OSBPL1A: variants seen among roughly 807,000 people sequenced by gnomAD.
The protein encoded by OSBPL1A is oxysterol binding protein like 1A, also known as oxysterol-binding protein-related protein 1.
In OSBPL1A, 80 loss-of-function variants were observed where a neutral mutation model predicts 137.1. The observed-to-expected ratio is 0.58, with a 90% CI of 0.49 to 0.70. The LOEUF (loss-of-function observed/expected upper bound fraction) is 0.70. OSBPL1A is among the 30% of genes least tolerant of loss of function. The pLI, the probability that OSBPL1A is intolerant of heterozygous loss-of-function variation, is 0.00. For synonymous variants in OSBPL1A, 365 were observed against 389.7 expected (o/e 0.94, Z 0.75); for missense variants, 970 against 1,129.4 (o/e 0.86, Z 2.02).
At chr18:24,358,821 T>C (rs2091577127) in intron 4 of OSBPL1A, among the ~76,000 whole-genome samples, 1 of 152,162 alleles carries the variant, frequency 6.6e-6, no homozygotes, top group African/African-American at 2.4e-5. Flanking sequence ...GCTCACTCAC[T>C]GTAGCCTCAA....
chr18:24,255,756 A>AT lies in OSBPL1A; in HGVS notation c.1282-16375dup, dbSNP rs536171928. ...CAAATTTGTCAAAATAAACTTTCTA[A>AT]TTTTTTTTTTTTTTTTTTGAGATGG... On this transcript the variant is annotated intron_variant, in intron 15 of 27. Coordinates refer to ENST00000319481, the MANE Select transcript of OSBPL1A (RefSeq NM_080597.4). 5.3e-3 allele frequency among the ~76,000 whole-genome samples: 728 copies of AT among 138,104 alleles called. 3 individuals are homozygous for AT. The highest frequency in any genetic ancestry group is 0.013 in the African/African-American group (492 of 37,986). The allele number at this position is 138,104 out of a possible 152,430, so 90.6% of individuals were successfully genotyped here.
chr18:24,281,518 G>C lies in OSBPL1A; in HGVS notation c.1175-570C>G, dbSNP rs148279504. On this transcript the variant is annotated intron_variant, in intron 14 of 27. Coordinates refer to ENST00000319481, the MANE Select transcript of OSBPL1A (RefSeq NM_080597.4). ...TTTTCCTGCCTCAGCCTCCCGAGTA[G>C]ATGGGACTACAGGCACACGCTATCA... is the stretch of plus-strand genomic sequence containing the variant. Among the ~76,000 whole-genome samples the C allele has an allele frequency of 3.2e-4, 48 of 152,072 alleles. No individual in the cohort carries two copies. In the East Asian group the frequency reaches 5.4e-3, roughly 17 times the overall value.
intron 17 of OSBPL1A, among the ~76,000 whole-genome samples, chr18:24,214,479 A>G (rs2087635509): frequency 6.6e-6 from 1 of 152,172 alleles, no homozygotes; most frequent in Non-Finnish European, 1.5e-5. Context: ...GGGGAGGGGA[A>G]AGAAGCCCTT....
chr18:24,300,880 T>C (rs1057055135), intron 14 of OSBPL1A, among the ~76,000 whole-genome samples: 1 of 152,138 alleles, frequency 6.6e-6, no homozygotes, highest in Non-Finnish European at 1.5e-5. Context: ...TGCAATCACA[T>C]GACCTTGACT....
chr18:24,172,821 A>AC (rs2086323454), intron 21 of OSBPL1A, among the ~76,000 whole-genome samples: 1 of 152,240 alleles, frequency 6.6e-6, no homozygotes, highest in Non-Finnish European at 1.5e-5. Context: ...TCTATTTAGC[A>AC]CTTTCTAGAG....
At chr18:24,319,564 AC>A (rs1208069252) in intron 7 of OSBPL1A, among the ~76,000 whole-genome samples, 15 of 152,208 alleles carry the variant, frequency 9.9e-5, no homozygotes, top group Admixed American at 9.8e-4. Context: ...AATTTTTCCA[AC>A]CTTACACATG....
intron 17 of OSBPL1A, among the ~76,000 whole-genome samples, chr18:24,213,497 GGCAGAGGTT>G (rs1324903826): frequency 6.6e-6 from 1 of 152,062 alleles, no homozygotes. Context: ...GAACCCAGGA[GGCAGAGGTT>G]GCAGTGAGCC....
rs559282030 is a variant in OSBPL1A, at chr18:24,213,038, C to T, written c.1601+12004G>A. On this transcript the variant is annotated intron_variant, in intron 17 of 27. Transcript: ENST00000319481. ...AAGTTCTCTCTGTATATCCAGAATGCCATTCTGAAGCCTAGTATAAATGAG... is the reference window on the plus strand; with the variant it reads ...AAGTTCTCTCTGTATATCCAGAATGTCATTCTGAAGCCTAGTATAAATGAG... Among the ~76,000 whole-genome samples, 83 of 152,262 alleles carry T rather than the reference C, an allele frequency of 5.5e-4. 1 individual carries two copies. Among genetic ancestry groups the T allele is most frequent in the African/African-American group, 1.9e-3 (77 of 41,554 alleles).
At position 24,162,304 on chromosome 18, in the gene OSBPL1A, A is replaced by G. The variant is rs2086036233; in HGVS notation, c.*875T>C. 6.6e-6 allele frequency: 1 copy of G among 152,238 alleles called. No individual in the cohort carries two copies. The highest frequency in any genetic ancestry group is 1.5e-5 in the Non-Finnish European group (1 of 68,048). 9.4% of individuals were successfully genotyped at this position (152,238 alleles called of 1,614,324 possible). On this transcript the variant is annotated 3_prime_UTR_variant, in exon 28 of 28. Coordinates refer to ENST00000319481, the MANE Select transcript of OSBPL1A (RefSeq NM_080597.4). Reference sequence around the variant, plus strand: ...CAGGTACTTTGCAAACTTGAAATGCACAAGGCCTCCTTTTATATAGTTTGA... The same window carrying G: ...CAGGTACTTTGCAAACTTGAAATGCGCAAGGCCTCCTTTTATATAGTTTGA...
intron 17 of OSBPL1A, among the ~76,000 whole-genome samples, chr18:24,201,168 TCCTGGTTC>T (rs1474695114): frequency 6.6e-6 from 1 of 152,128 alleles, no homozygotes; most frequent in Non-Finnish European, 1.5e-5. Flanking sequence ...CAGTGATATG[TCCTGGTTC>T]TATTTTCAAC....
chr18:24,374,401 A>G (rs2146201757), intron 2 of OSBPL1A, among the ~76,000 whole-genome samples: 1 of 152,308 alleles, frequency 6.6e-6, no homozygotes, highest in Non-Finnish European at 1.5e-5. Context: ...GGAAGAAAAA[A>G]AGACAAAAGC....
intron 1 of OSBPL1A, among the ~76,000 whole-genome samples, chr18:24,392,426 T>G (rs997408983): frequency 1.3e-5 from 2 of 152,210 alleles, no homozygotes; most frequent in African/African-American, 2.4e-5. Context: ...CCCATAGTGC[T>G]GAGATTACAG....
intron 13 of OSBPL1A, among the ~76,000 whole-genome samples, chr18:24,306,524 A>T (rs1568014755): frequency 6.6e-6 from 1 of 152,226 alleles, no homozygotes. Context: ...CGGTGAAAAA[A>T]GACACCTAAG....
In OSBPL1A at chr18:24,184,093, T is replaced by C. The variant is rs1056411385; in HGVS notation, c.1678-2814A>G. Among the ~76,000 whole-genome samples, 2 of 152,260 alleles carry C rather than the reference T, an allele frequency of 1.3e-5. 1 individual carries two copies. Among genetic ancestry groups the C allele is most frequent in the East Asian group, 3.8e-4 (2 of 5,204 alleles). ...TTAAATTTAAAACAAAGTCCATATA[T>C]GGACATACCATGAACTATTTAATCA... On this transcript the variant is annotated intron_variant, in intron 18 of 27. Transcript: ENST00000319481.
intron 15 of OSBPL1A, 149 bp downstream of exon 15, chr18:24,280,693 A>C: frequency 2.2e-6 from 1 of 459,456 alleles, no homozygotes; most frequent in South Asian, 5.5e-5. Flanking sequence ...ATAATAAATA[A>C]GTTCTAAATT....
intron 5 of OSBPL1A, among the ~76,000 whole-genome samples, chr18:24,340,004 C>T (rs922192934): frequency 1.3e-5 from 2 of 152,122 alleles, no homozygotes; most frequent in African/African-American, 4.8e-5. Flanking sequence ...AAGAAATCAA[C>T]ATCCTTTAAG....
At chr18:24,380,749 C>G (rs1906517931) in intron 1 of OSBPL1A, among the ~76,000 whole-genome samples, 1 of 152,012 alleles carries the variant, frequency 6.6e-6, no homozygotes, top group Non-Finnish European at 1.5e-5. Flanking sequence ...GTCAGGAGTT[C>G]GAGACCAGTC....
At chr18:24,350,384 G>A (rs1010994815) in intron 4 of OSBPL1A, among the ~76,000 whole-genome samples, 7 of 152,178 alleles carry the variant, frequency 4.6e-5, no homozygotes, top group African/African-American at 1.7e-4. Context: ...CACTTATCTA[G>A]ACTTTTAGGT....
chr18:24,181,375 C>T (rs2086601824), intron 18 of OSBPL1A, 96 bp from the exon 19 acceptor site: 4 of 1,298,664 alleles, frequency 3.1e-6, no homozygotes, highest in Non-Finnish European at 4.2e-6. Flanking sequence ...AAGGACAGAA[C>T]AGAAACTAGC....
Sources: allele counts gnomAD v4.1 joint callset (sites outside exome capture counted in the v4.1 genomes callset), GRCh38; gene constraint gnomAD v4.1.1; transcripts MANE v1.5; gene names NCBI Gene and HGNC (gene_info 2026-07-23, HGNC 2026-07-21).